TBC1D9: variants seen among roughly 807,000 people sequenced by gnomAD.
TBC1D9 encodes TBC1 domain family member 9A.
A neutral mutation model predicts 132.0 loss-of-function variants in TBC1D9; 63 were observed. The ratio of observed to expected loss-of-function variants is 0.48; its 90% CI spans 0.39 to 0.59. TBC1D9 has a LOEUF of 0.59. Among genes scored for constraint, TBC1D9 ranks in the 20% least tolerant of loss-of-function variants. TBC1D9 has a pLI of 0.00. For synonymous variants in TBC1D9, 610 were observed against 609.9 expected, an observed-to-expected ratio of 1.00 and a Z score of 0.00; for missense variants, 1,261 against 1,592.7, an observed-to-expected ratio of 0.79 and a Z score of 3.54.
intron 6 of TBC1D9, 29 bp downstream of exon 6, chr4:140,676,865 T>G: frequency 1.2e-6 from 2 of 1,608,186 alleles, no homozygotes; most frequent in Non-Finnish European, 1.7e-6. Flanking sequence ...AAATGAAACT[T>G]AAAATATCAA....
chr4:140,686,608 GGA>G (rs1737786129), intron 2 of TBC1D9, 146 bp from the exon 3 acceptor site: 1 of 577,338 alleles, frequency 1.7e-6, no homozygotes, highest in Non-Finnish European at 3.1e-6. Context: ...CTCCTCCAGA[GGA>G]GACACACACA....
intron 2 of TBC1D9, among the ~76,000 whole-genome samples, chr4:140,687,341 GTCATATATATA>G (rs1443789473): frequency 1.5e-4 from 14 of 91,054 alleles, no homozygotes; most frequent in East Asian, 4.1e-4. Context: ...GTGTGTGTGT[GTCATATATATA>G]TATATATATA....
rs768257529 is a variant in TBC1D9 at position 140,622,621 on chromosome 4, G to A, written c.3375C>T (p.Ser1125=). ...TGATGTCCTCCATTTGTCCTCCAAG[G>A]GAGTGTTCCTCGCTGTCGGGGGCCA... is the stretch of plus-strand genomic sequence containing the variant. ...ASLAPDSEEH[S]LGGQMEDIKL... is the part of the protein sequence containing the mutation. Residue 1125 remains serine, a synonymous_variant, in exon 21 of 21, where the codon TCC becomes TCT. Coordinates refer to ENST00000442267, the MANE Select transcript of TBC1D9 (RefSeq NM_015130.3). 1 of 1,613,190 alleles carries A rather than the reference G, an allele frequency of 6.2e-7. No homozygotes were observed. Among genetic ancestry groups the A allele is most frequent in the South Asian group, 1.1e-5 (1 of 91,038 alleles).
chr4:140,625,842 C>T (rs1736699263), intron 18 of TBC1D9, among the ~76,000 whole-genome samples: 1 of 152,050 alleles, frequency 6.6e-6, no homozygotes, highest in South Asian at 2.1e-4. Context: ...TGTATGTGTA[C>T]AATTTGAATA....
chr4:140,650,737 G>A (rs547396460), intron 13 of TBC1D9, among the ~76,000 whole-genome samples: 112 of 152,012 alleles, frequency 7.4e-4, no homozygotes, highest in Non-Finnish European at 1.2e-3. Context: ...GTTTTGCCAC[G>A]TTGGCCAGGT....
At chr4:140,730,545 G>A (rs1029077111) in intron 1 of TBC1D9, among the ~76,000 whole-genome samples, 3 of 152,084 alleles carry the variant, frequency 2.0e-5, no homozygotes, top group African/African-American at 7.2e-5. Flanking sequence ...TGGCCAACAT[G>A]GCAAAACCCC....
intron 13 of TBC1D9, among the ~76,000 whole-genome samples, chr4:140,649,180 A>G (rs991062839): frequency 1.3e-5 from 2 of 152,238 alleles, no homozygotes; most frequent in Non-Finnish European, 2.9e-5. Flanking sequence ...AAGCAACAAC[A>G]AAGCTCAATG....
At chr4:140,648,630 C>T (rs55842816) in intron 13 of TBC1D9, among the ~76,000 whole-genome samples, 3,653 of 152,168 alleles carry the variant, frequency 0.024, 61 homozygotes, top group Middle Eastern at 0.058. Flanking sequence ...AAGTGGTCTG[C>T]CCGCCTTGGC....
chr4:140,747,895 A>C (rs887157585), intron 1 of TBC1D9, among the ~76,000 whole-genome samples: 2 of 152,244 alleles, frequency 1.3e-5, no homozygotes, highest in Non-Finnish European at 2.9e-5. Context: ...TAGAAAATAT[A>C]TCAGTACCAA....
At chr4:140,624,046 G>A (rs1378714487) in intron 20 of TBC1D9, 70 bp downstream of exon 20, 39 of 1,245,140 alleles carry the variant, frequency 3.1e-5, no homozygotes, top group Non-Finnish European at 4.2e-5. Flanking sequence ...TACATTTATC[G>A]ATGACTTTTC....
At chr4:140,625,496 A>G (rs1039464323) in intron 18 of TBC1D9, among the ~76,000 whole-genome samples, 4 of 152,188 alleles carry the variant, frequency 2.6e-5, no homozygotes, top group Admixed American at 6.5e-5. Context: ...AACCACCCAA[A>G]GCTGGCTGGT....
chr4:140,632,872 A>C (rs1254253184), intron 16 of TBC1D9, among the ~76,000 whole-genome samples: 1 of 152,246 alleles, frequency 6.6e-6, no homozygotes, highest in Non-Finnish European at 1.5e-5. Context: ...TATCATTATT[A>C]CACCTAAGAG....
intron 1 of TBC1D9, among the ~76,000 whole-genome samples, chr4:140,731,174 C>A (rs1352366880): frequency 2.6e-5 from 4 of 152,244 alleles, no homozygotes; most frequent in African/African-American, 4.8e-5. Flanking sequence ...GCACTTATTG[C>A]TGAGTAGCTT....
At chr4:140,692,854 T>C (rs1737897816) in intron 2 of TBC1D9, among the ~76,000 whole-genome samples, 1 of 151,898 alleles carries the variant, frequency 6.6e-6, no homozygotes, top group South Asian at 2.1e-4. Context: ...ACCCTATCTC[T>C]ACAAAAATTA....
chr4:140,659,729 A>G (rs1170822138), intron 10 of TBC1D9, 24 bp from the exon 11 acceptor site: 3 of 1,482,808 alleles, frequency 2.0e-6, no homozygotes, highest in South Asian at 2.4e-5. Flanking sequence ...AGAGGATGTC[A>G]TCAAATACAG....
At position 140,755,971 on chromosome 4, in the gene TBC1D9, G is replaced by T; in HGVS notation, c.75C>A (p.Ile25=). The T allele has an allele frequency of 6.2e-7, 1 of 1,606,662 alleles. No homozygotes were observed. The highest frequency in any genetic ancestry group is 8.5e-7 in the Non-Finnish European group (1 of 1,176,944). ...WITERANPYF[I]LQRRKGHAGD... is the part of the protein sequence containing the mutation. ...CGGCGTGGCCCTTCCTCCGCTGCAG[G>T]ATGAAGTATGGGTTGGCCCTCTCGG... The change falls in exon 1 of 21, where the codon ATC becomes ATA. Residue 25 remains isoleucine, a synonymous_variant. Transcript: ENST00000442267.
chr4:140,724,473 A>G (rs1404466974), intron 1 of TBC1D9, among the ~76,000 whole-genome samples: 1 of 152,192 alleles, frequency 6.6e-6, no homozygotes, highest in African/African-American at 2.4e-5. Context: ...GCACTGATGC[A>G]TACAAAATTT....
At chr4:140,726,801 C>A (rs1025208649) in intron 1 of TBC1D9, among the ~76,000 whole-genome samples, 1 of 152,186 alleles carries the variant, frequency 6.6e-6, no homozygotes, top group African/African-American at 2.4e-5. Flanking sequence ...ATCTTTGTTA[C>A]ACAAAGCAGT....
intron 13 of TBC1D9, chr4:140,645,483 T>C (rs1737089553): frequency 2.6e-6 from 1 of 387,002 alleles, no homozygotes; most frequent in South Asian, 1.9e-5. Context: ...TGCTATCATC[T>C]CCACTTTTAA....
Sources: gnomAD v4.1 joint callset for allele counts (sites outside exome capture counted in the v4.1 genomes callset) on GRCh38, gnomAD v4.1.1 for gene constraint, MANE v1.5 for transcripts, NCBI Gene and HGNC (gene_info 2026-07-23, HGNC 2026-07-21) for gene names.